EEFSEC: variants seen among roughly 807,000 people sequenced by gnomAD.
EEFSEC encodes selenocysteine-specific elongation factor.
A neutral mutation model predicts 42.1 loss-of-function variants in EEFSEC; 43 were observed. The ratio of observed to expected loss-of-function variants is 1.02; its 90% CI spans 0.80 to 1.32. The LOEUF is 1.32. EEFSEC is among the 40% of genes most tolerant of loss of function. The probability of loss-of-function intolerance (pLI) is 0.00; values close to 1 mark genes in which losing one functional copy is unlikely to be tolerated. For missense variants in EEFSEC, 745 were observed against 803.6 expected, an observed-to-expected ratio of 0.93 and a Z score of 0.88; for synonymous variants, 354 against 339.1, an observed-to-expected ratio of 1.04 and a Z score of -0.48.
At chr3:128,334,329 C>T (rs1188348394) in intron 4 of EEFSEC, among the ~76,000 whole-genome samples, 2 of 152,238 alleles carry the variant, frequency 1.3e-5, no homozygotes, top group African/African-American at 2.4e-5. Flanking sequence ...TTTTTGGGCT[C>T]AGGCTGTGTG....
At chr3:128,293,598 A>C (rs2066667686) in intron 4 of EEFSEC, among the ~76,000 whole-genome samples, 1 of 146,656 alleles carries the variant, frequency 6.8e-6, no homozygotes, top group Non-Finnish European at 1.5e-5. Flanking sequence ...GAGGCGGAGG[A>C]TGCAGTGAGC....
At chr3:128,390,215 G>A (rs558191297) in intron 6 of EEFSEC, among the ~76,000 whole-genome samples, 1 of 152,306 alleles carries the variant, frequency 6.6e-6, no homozygotes, top group East Asian at 1.9e-4. Context: ...TGGGACTTGG[G>A]GTCACTCAGT....
At chr3:128,188,615 C>T (rs920084137) in intron 1 of EEFSEC, among the ~76,000 whole-genome samples, 2 of 152,208 alleles carry the variant, frequency 1.3e-5, no homozygotes, top group African/African-American at 4.8e-5. Context: ...TGTTCCACTC[C>T]AGTCCGTTGG....
intron 4 of EEFSEC, among the ~76,000 whole-genome samples, chr3:128,308,236 A>G (rs2066852875): frequency 6.6e-6 from 1 of 152,214 alleles, no homozygotes; most frequent in Non-Finnish European, 1.5e-5. Context: ...CCAGTGGCCC[A>G]GGTTCCTGAC....
At chr3:128,211,173 TA>T (rs2107832473) in intron 1 of EEFSEC, among the ~76,000 whole-genome samples, 1 of 152,370 alleles carries the variant, frequency 6.6e-6, no homozygotes, top group South Asian at 2.1e-4. Flanking sequence ...ACTATATGCT[TA>T]AAATATGGGT....
At chr3:128,278,586 T>TTA (rs2066491789) in intron 4 of EEFSEC, among the ~76,000 whole-genome samples, 2 of 152,128 alleles carry the variant, frequency 1.3e-5, no homozygotes, top group East Asian at 3.9e-4. Context: ...ATTTATGTGC[T>TTA]GTTGGTGGCT....
intron 6 of EEFSEC, among the ~76,000 whole-genome samples, chr3:128,372,654 C>T (rs1023243336): frequency 6.6e-6 from 1 of 152,230 alleles, no homozygotes; most frequent in Non-Finnish European, 1.5e-5. Flanking sequence ...GCCAGACTAC[C>T]TGACATGCTT....
intron 4 of EEFSEC, among the ~76,000 whole-genome samples, chr3:128,339,402 A>C (rs1199257881): frequency 6.6e-6 from 1 of 152,170 alleles, no homozygotes; most frequent in Non-Finnish European, 1.5e-5. Context: ...AATTCTCTTT[A>C]GTTTAACTAT....
the EEFSEC span, among the ~76,000 whole-genome samples, chr3:128,421,488 G>GA: frequency 6.6e-6 from 1 of 152,270 alleles, no homozygotes; most frequent in African/African-American, 2.4e-5. Flanking sequence ...CAGTCTCCGG[G>GA]ACCTGACTCT....
chr3:128,411,599 A>G (rs1028797620), downstream of EEFSEC, among the ~76,000 whole-genome samples: 2 of 152,098 alleles, frequency 1.3e-5, no homozygotes, highest in African/African-American at 4.8e-5. Context: ...GCCTGCCCAC[A>G]TGGAGTGAGG....
chr3:128,232,836 C>T (rs886383460), intron 1 of EEFSEC, among the ~76,000 whole-genome samples: 2 of 152,210 alleles, frequency 1.3e-5, no homozygotes, highest in African/African-American at 2.4e-5. Flanking sequence ...TGTGGCCCTA[C>T]AGAGCCCTCA....
intron 1 of EEFSEC, among the ~76,000 whole-genome samples, chr3:128,237,534 G>A (rs1576570606): frequency 6.6e-6 from 1 of 152,286 alleles, no homozygotes; most frequent in East Asian, 1.9e-4. Flanking sequence ...TGTGGACCTT[G>A]GGGTCAGAGA....
At chr3:128,280,147 A>G (rs896338968) in intron 4 of EEFSEC, among the ~76,000 whole-genome samples, 3 of 152,230 alleles carry the variant, frequency 2.0e-5, no homozygotes, top group Non-Finnish European at 4.4e-5. Context: ...TTATGTAGGA[A>G]AACTGTCTGC....
At chr3:128,338,555 G>A (rs956733798) in intron 4 of EEFSEC, among the ~76,000 whole-genome samples, 1 of 152,186 alleles carries the variant, frequency 6.6e-6, no homozygotes, top group African/African-American at 2.4e-5. Flanking sequence ...GGGACGAATG[G>A]GAATTTGCCA....
chr3:128,285,365 T>G (rs2066572988), intron 4 of EEFSEC, among the ~76,000 whole-genome samples: 1 of 152,162 alleles, frequency 6.6e-6, no homozygotes, highest in Non-Finnish European at 1.5e-5. Context: ...AGTGTCCCCC[T>G]GGGTGCTCAC....
downstream of EEFSEC, among the ~76,000 whole-genome samples, chr3:128,413,221 G>T (rs1169501795): frequency 1.3e-5 from 2 of 152,196 alleles, no homozygotes; most frequent in Non-Finnish European, 2.9e-5. Flanking sequence ...AAGGCTCGGG[G>T]ATTGAAAACA....
chr3:128,184,732 C>A (rs1377817130), intron 1 of EEFSEC, among the ~76,000 whole-genome samples: 2 of 151,572 alleles, frequency 1.3e-5, no homozygotes, highest in African/African-American at 2.4e-5. Context: ...CATTTTTTTT[C>A]CTTATCTCTT....
intron 5 of EEFSEC, among the ~76,000 whole-genome samples, chr3:128,352,317 T>G (rs1244020609): frequency 2.6e-5 from 4 of 152,250 alleles, no homozygotes; most frequent in Non-Finnish European, 5.9e-5. Context: ...TGAGGTTTCA[T>G]GCAGCTGACA....
At chr3:128,298,813 T>C (rs150976944) in intron 4 of EEFSEC, among the ~76,000 whole-genome samples, 2 of 152,360 alleles carry the variant, frequency 1.3e-5, no homozygotes, top group Non-Finnish European at 2.9e-5. Flanking sequence ...AGTGAGAACA[T>C]ATGGTATTTG....
Sources: gnomAD v4.1 joint callset for allele counts (sites outside exome capture counted in the v4.1 genomes callset) on GRCh38, gnomAD v4.1.1 for gene constraint, MANE v1.5 for transcripts, NCBI Gene and HGNC (gene_info 2026-07-23, HGNC 2026-07-21) for gene names.